The following STXBP5L variants were observed in gnomAD, a reference collection of about 807,000 sequenced individuals.
The protein encoded by STXBP5L is syntaxin binding protein 5L.
STXBP5L carries 65 observed loss-of-function variants against 144.5 expected under a neutral mutation model. That is an observed-to-expected ratio of 0.45 (90% CI 0.37 to 0.55). STXBP5L has a LOEUF of 0.55. Ranked by LOEUF, STXBP5L falls within the 20% of genes least tolerant of loss-of-function variation. STXBP5L has a pLI of 0.00. For missense variants in STXBP5L, 1,298 were observed against 1,405.5 expected (o/e 0.92, Z 1.22); for synonymous variants, 505 against 469.6 (o/e 1.08, Z -0.97).
intron 5 of STXBP5L, among the ~76,000 whole-genome samples, chr3:121,068,088 C>T (rs148137276): frequency 6.6e-6 from 1 of 152,230 alleles, no homozygotes; most frequent in Non-Finnish European, 1.5e-5. Flanking sequence ...CAGCTCACTG[C>T]AACCTCCACG....
intron 3 of STXBP5L, among the ~76,000 whole-genome samples, chr3:120,955,579 A>C (rs1357663517): frequency 6.6e-6 from 1 of 152,004 alleles, no homozygotes; most frequent in Non-Finnish European, 1.5e-5. Flanking sequence ...TTAAAATTAA[A>C]CTTTTTGAGA....
intron 20 of STXBP5L, among the ~76,000 whole-genome samples, chr3:121,365,271 C>T (rs2108647065): frequency 6.6e-6 from 1 of 151,832 alleles, no homozygotes; most frequent in South Asian, 2.1e-4. Context: ...GTAATGCTGG[C>T]CTTATAGATT....
intron 23 of STXBP5L, among the ~76,000 whole-genome samples, chr3:121,410,798 GAA>G (rs1451070319): frequency 7.9e-5 from 12 of 152,102 alleles, no homozygotes; most frequent in Non-Finnish European, 1.8e-4. Flanking sequence ...CTGCATAGAA[GAA>G]AGTCTTTTTT....
chr3:121,088,245 G>GA (rs2042594858), intron 5 of STXBP5L, among the ~76,000 whole-genome samples: 1 of 132,328 alleles, frequency 7.6e-6, no homozygotes, highest in Admixed American at 8.1e-5. Flanking sequence ...AAATTTACAA[G>GA]AAAAAAACAA....
chr3:121,264,111 T>C (rs2050475114), intron 18 of STXBP5L, among the ~76,000 whole-genome samples: 1 of 152,146 alleles, frequency 6.6e-6, no homozygotes, highest in Admixed American at 6.5e-5. Context: ...ACAGAGGATC[T>C]CTCTGCAGAA....
chr3:121,054,394 T>C (rs192427575), intron 5 of STXBP5L, among the ~76,000 whole-genome samples: 10 of 152,130 alleles, frequency 6.6e-5, no homozygotes, highest in African/African-American at 2.2e-4. Context: ...ATATACACCA[T>C]GGAATACTAT....
At chr3:121,028,813 T>C (rs906508901) in intron 3 of STXBP5L, among the ~76,000 whole-genome samples, 2 of 152,106 alleles carry the variant, frequency 1.3e-5, no homozygotes, top group African/African-American at 4.8e-5. Context: ...TCAGGTTCTG[T>C]TTTTGTACCA....
intron 3 of STXBP5L, among the ~76,000 whole-genome samples, chr3:121,039,882 C>T (rs532478628): frequency 4.8e-4 from 73 of 151,806 alleles, no homozygotes; most frequent in Non-Finnish European, 9.6e-4. Flanking sequence ...TTTTTATTGA[C>T]ATATTTTCAA....
chr3:121,355,743 G>T (rs1310098354), intron 20 of STXBP5L, among the ~76,000 whole-genome samples: 1 of 152,206 alleles, frequency 6.6e-6, no homozygotes, highest in East Asian at 1.9e-4. Context: ...GCGAGGAGCT[G>T]CAATCCTTGG....
chr3:121,004,342 C>T (rs975308627), intron 3 of STXBP5L, among the ~76,000 whole-genome samples: 1 of 152,074 alleles, frequency 6.6e-6, no homozygotes, highest in Non-Finnish European at 1.5e-5. Flanking sequence ...CATGATTTGG[C>T]TCTCTGTTTG....
At chr3:121,161,877 T>A (rs2108020960) in intron 9 of STXBP5L, among the ~76,000 whole-genome samples, 1 of 152,258 alleles carries the variant, frequency 6.6e-6, no homozygotes, top group Non-Finnish European at 1.5e-5. Flanking sequence ...CGCTTTTATT[T>A]AATATTTTCC....
At chr3:121,119,376 A>G (rs1219748816) in intron 6 of STXBP5L, among the ~76,000 whole-genome samples, 1 of 151,334 alleles carries the variant, frequency 6.6e-6, no homozygotes, top group African/African-American at 2.4e-5. Context: ...ATTTGTGGTC[A>G]TATATTATAT....
Position 121,409,432 on chromosome 3 carries a change from T to C in STXBP5L, c.2948+1829T>C, listed in dbSNP as rs546908761. Among the ~76,000 whole-genome samples the C allele has an allele frequency of 8.6e-5, 13 of 152,042 alleles. No homozygotes were observed. The East Asian group carries it at 1.5e-3, about 18-fold the overall frequency. On this transcript the variant is annotated intron_variant, in intron 23 of 26. Coordinates refer to ENST00000471454, the MANE Select transcript of STXBP5L (RefSeq NM_001308330.2). ...AAAAAACAGTAGATCTCACAACTGG[T>C]GGGATATTAATGATCTTTGAGAAAG...
chr3:121,342,025 G>A (rs1196610956), intron 20 of STXBP5L, among the ~76,000 whole-genome samples: 1 of 152,038 alleles, frequency 6.6e-6, no homozygotes, highest in African/African-American at 2.4e-5. Flanking sequence ...AAGGGTAATT[G>A]CTTGATGTGA....
At chr3:121,032,200 A>G (rs1056578775) in intron 3 of STXBP5L, among the ~76,000 whole-genome samples, 4 of 152,130 alleles carry the variant, frequency 2.6e-5, no homozygotes, top group Middle Eastern at 3.4e-3. Context: ...AGGAAAATAT[A>G]TAAGCAGTAG....
At chr3:121,327,928 A>G (rs965811139) in intron 20 of STXBP5L, among the ~76,000 whole-genome samples, 4 of 152,188 alleles carry the variant, frequency 2.6e-5, no homozygotes, top group Non-Finnish European at 5.9e-5. Context: ...TACTTTTGTG[A>G]GCTAAGACAG....
At chr3:120,975,383 A>T (rs1194064652) in intron 3 of STXBP5L, among the ~76,000 whole-genome samples, 2 of 152,116 alleles carry the variant, frequency 1.3e-5, no homozygotes, top group Non-Finnish European at 2.9e-5. Context: ...TGATTTTTGC[A>T]CATTGATTTT....
intron 3 of STXBP5L, among the ~76,000 whole-genome samples, chr3:120,971,042 C>T (rs1341552899): frequency 1.3e-5 from 2 of 152,100 alleles, no homozygotes; most frequent in Admixed American, 6.6e-5. Flanking sequence ...CATTGTTTCC[C>T]AGTCTGGGGA....
chr3:121,012,091 CTT>C (rs773843041), intron 3 of STXBP5L, among the ~76,000 whole-genome samples: 6 of 151,754 alleles, frequency 4.0e-5, no homozygotes, highest in East Asian at 1.9e-4. Context: ...TTGTGACTGA[CTT>C]ATTTCATTTA....
Sources: allele counts gnomAD v4.1 joint callset (sites outside exome capture counted in the v4.1 genomes callset), GRCh38; gene constraint gnomAD v4.1.1; transcripts MANE v1.5; gene names NCBI Gene and HGNC (gene_info 2026-07-23, HGNC 2026-07-21).